The following FRMD6 variants were observed in gnomAD, a reference collection of about 807,000 sequenced individuals.
FRMD6 encodes FERM domain containing 6.
A neutral mutation model predicts 73.2 loss-of-function variants in FRMD6; 37 were observed. The observed-to-expected ratio is 0.51, with a 90% CI of 0.39 to 0.66. The LOEUF is 0.66. FRMD6 is among the 30% of genes least tolerant of loss of function. FRMD6 has a pLI of 0.00. For synonymous variants in FRMD6, 273 were observed against 282.2 expected (o/e 0.97, Z 0.33); for missense variants, 714 against 780.5 (o/e 0.91, Z 1.02).
intron 10 of FRMD6, 52 bp from the exon 11 acceptor site, chr14:51,720,003 C>A: frequency 7.0e-7 from 1 of 1,433,810 alleles, no homozygotes; most frequent in South Asian, 1.3e-5. Context: ...CACTTAAGCT[C>A]ACCAGCCGTT....
chr14:51,397,398 C>T, the FRMD6 span, among the ~76,000 whole-genome samples: 1 of 152,172 alleles, frequency 6.6e-6, no homozygotes, highest in East Asian at 1.9e-4. Context: ...GACACCTTCC[C>T]TTTGACACCA....
At chr14:51,546,480 C>T (rs1222653684) in intron 1 of FRMD6, 3 of 144,830 alleles carry the variant, frequency 2.1e-5, no homozygotes, top group African/African-American at 7.7e-5. Flanking sequence ...ACATCTGATG[C>T]CAGTTTGGGA....
At chr14:51,465,060 T>C in the FRMD6 span, among the ~76,000 whole-genome samples, 3 of 151,888 alleles carry the variant, frequency 2.0e-5, no homozygotes, top group Non-Finnish European at 2.9e-5. Context: ...TGGCTCTTAA[T>C]ATCAAAAAAG....
At chr14:51,483,668 C>G in the FRMD6 span, among the ~76,000 whole-genome samples, 1 of 152,206 alleles carries the variant, frequency 6.6e-6, no homozygotes, top group South Asian at 2.1e-4. Context: ...CTAGCTGTCA[C>G]AGAAAGCCAT....
chr14:51,664,830 T>G (rs1893459766), intron 1 of FRMD6, among the ~76,000 whole-genome samples: 1 of 152,204 alleles, frequency 6.6e-6, no homozygotes, highest in African/African-American at 2.4e-5. Flanking sequence ...TGTAAGTTAC[T>G]CTACAGTTAG....
intron 2 of FRMD6, among the ~76,000 whole-genome samples, chr14:51,588,320 C>A (rs1956582): frequency 0.87 from 132,429 of 151,936 alleles, 58,031 homozygotes; most frequent in Non-Finnish European, 0.92. Flanking sequence ...ACATGTGCAC[C>A]ATGTGCAGGT....
intron 2 of FRMD6, among the ~76,000 whole-genome samples, chr14:51,579,474 T>C (rs529333632): frequency 1.3e-5 from 2 of 152,212 alleles, no homozygotes; most frequent in Non-Finnish European, 2.9e-5. Flanking sequence ...ATATCCATAA[T>C]GCCTTGCACT....
At chr14:51,683,896 C>CTGA in intron 1 of FRMD6, among the ~76,000 whole-genome samples, 1 of 152,254 alleles carries the variant, frequency 6.6e-6, no homozygotes, top group Non-Finnish European at 1.5e-5. Flanking sequence ...CAAAGGCGAT[C>CTGA]TTAGCCTTTC....
intron 2 of FRMD6, among the ~76,000 whole-genome samples, chr14:51,622,620 C>T (rs1364272207): frequency 6.6e-6 from 1 of 152,162 alleles, no homozygotes; most frequent in Admixed American, 6.5e-5. Context: ...CAATCCCTAA[C>T]CAACCCCCAA....
chr14:51,439,260 T>A, the FRMD6 span, among the ~76,000 whole-genome samples: 1 of 152,208 alleles, frequency 6.6e-6, no homozygotes, highest in African/African-American at 2.4e-5. Context: ...AGTAAATACA[T>A]CACTGTATAG....
intron 2 of FRMD6, among the ~76,000 whole-genome samples, chr14:51,632,252 T>G (rs943519601): frequency 6.6e-6 from 1 of 152,214 alleles, no homozygotes; most frequent in African/African-American, 2.4e-5. Flanking sequence ...TTAGACCTCT[T>G]TCCTTTATAA....
chr14:51,669,086 A>T (rs993674710), intron 1 of FRMD6, among the ~76,000 whole-genome samples: 19 of 152,230 alleles, frequency 1.2e-4, no homozygotes, highest in Admixed American at 1.2e-3. Flanking sequence ...ACTGCGGTCA[A>T]GATACAGAAC....
intron 1 of FRMD6, among the ~76,000 whole-genome samples, chr14:51,528,284 A>C (rs997167619): frequency 1.3e-5 from 2 of 152,206 alleles, no homozygotes; most frequent in Non-Finnish European, 2.9e-5. Flanking sequence ...TTCTCTCCCC[A>C]GCTGGCCCTC....
At chr14:51,708,024 G>A in intron 6 of FRMD6, 54 bp from the exon 7 acceptor site, 2 of 1,564,424 alleles carry the variant, frequency 1.3e-6, no homozygotes, top group Non-Finnish European at 1.8e-6. Flanking sequence ...GGTGGGGGTA[G>A]AACTTACATC....
At chr14:51,549,932 T>C (rs7156142) in intron 1 of FRMD6, among the ~76,000 whole-genome samples, 7,539 of 152,318 alleles carry the variant, frequency 0.049, 190 homozygotes, top group Non-Finnish European at 0.056. Context: ...GGACTCTGCC[T>C]GCAACATTGA....
At chr14:51,444,413 T>C in the FRMD6 span, among the ~76,000 whole-genome samples, 4 of 152,222 alleles carry the variant, frequency 2.6e-5, no homozygotes, top group East Asian at 1.9e-4. Context: ...GAGTTGTTTG[T>C]ACAGGGTTGC....
chr14:51,497,611 T>C (rs964877729), intron 1 of FRMD6, among the ~76,000 whole-genome samples: 1 of 152,172 alleles, frequency 6.6e-6, no homozygotes, highest in East Asian at 1.9e-4. Flanking sequence ...ACAGATGAAA[T>C]TGTAATATAT....
rs368497016 is a variant in FRMD6 at position 51,517,915 on chromosome 14, T to A, written c.-210+28495T>A. Among the ~76,000 whole-genome samples the A allele has an allele frequency of 2.0e-4, 30 of 152,306 alleles. No individual in the cohort carries two copies. The South Asian group carries it at 5.6e-3, about 28-fold the overall frequency. On this transcript the variant is annotated intron_variant, in intron 1 of 14. Transcript: ENST00000356218. ...TCCCTCCCAAGTGACTGTCTACAGC[T>A]GACAAGCCTCATTGTCCCTCCAAGC...
intron 1 of FRMD6, among the ~76,000 whole-genome samples, chr14:51,506,380 T>C (rs1336250061): frequency 6.6e-6 from 1 of 152,172 alleles, no homozygotes; most frequent in Non-Finnish European, 1.5e-5. Flanking sequence ...GCTCAATTAA[T>C]GTTTACTATT....
Sources: allele counts gnomAD v4.1 joint callset (sites outside exome capture counted in the v4.1 genomes callset), GRCh38; gene constraint gnomAD v4.1.1; transcripts MANE v1.5; gene names NCBI Gene and HGNC (gene_info 2026-07-23, HGNC 2026-07-21).